Variants in GRM7 observed in about 807,000 individuals in gnomAD.
The protein encoded by GRM7 is metabotropic glutamate receptor 7.
A neutral mutation model predicts 84.5 loss-of-function variants in GRM7; 35 were observed. The ratio of observed to expected loss-of-function variants is 0.41; its 90% confidence interval spans 0.32 to 0.55. GRM7 has a LOEUF of 0.55. GRM7 is among the 20% of genes least tolerant of loss of function. GRM7 has a pLI of 0.19. For synonymous variants in GRM7, 487 were observed against 455.1 expected, an observed-to-expected ratio of 1.07 and a Z score of -0.89; for missense variants, 1,003 against 1,194.6, an observed-to-expected ratio of 0.84 and a Z score of 2.36.
chr3:7,401,182 C>T (rs1434757470), intron 4 of GRM7, among the ~76,000 whole-genome samples: 4 of 152,078 alleles, frequency 2.6e-5, no homozygotes, highest in Non-Finnish European at 4.4e-5. Context: ...ATGTATATGA[C>T]GAAGAAGCAA....
chr3:6,993,203 C>T (rs150934321), intron 1 of GRM7, among the ~76,000 whole-genome samples: 74 of 152,248 alleles, frequency 4.9e-4, no homozygotes, highest in Middle Eastern at 6.8e-3. Flanking sequence ...TCATGAGAAT[C>T]CCATGGGGGA....
intron 1 of GRM7, among the ~76,000 whole-genome samples, chr3:7,128,077 A>G (rs1487132877): frequency 6.6e-6 from 1 of 151,338 alleles, no homozygotes; most frequent in Non-Finnish European, 1.5e-5. Flanking sequence ...ATATATATGT[A>G]TTATAGATTA....
At chr3:6,944,683 T>C (rs1399722444) in intron 1 of GRM7, among the ~76,000 whole-genome samples, 3 of 152,192 alleles carry the variant, frequency 2.0e-5, no homozygotes, top group Non-Finnish European at 4.4e-5. Context: ...TGGATAAATT[T>C]AGCCATGTGG....
intron 1 of GRM7, among the ~76,000 whole-genome samples, chr3:7,117,297 T>G (rs1661845383): frequency 6.6e-6 from 1 of 152,208 alleles, no homozygotes; most frequent in Non-Finnish European, 1.5e-5. Flanking sequence ...ATCTTTTTCC[T>G]TTCCCTTTCT....
At chr3:7,332,078 G>A (rs541963961) in intron 4 of GRM7, among the ~76,000 whole-genome samples, 5 of 152,136 alleles carry the variant, frequency 3.3e-5, no homozygotes, top group Non-Finnish European at 7.4e-5. Flanking sequence ...TTCGTCTAGA[G>A]TAGACTTGAC....
chr3:7,247,209 A>C lies in GRM7; in HGVS notation c.737-51475A>C, dbSNP rs1363561526. ...CCTATGAAGTTTTAGGAAAAAATAC[A>C]TGAGAATATATTCATGACTTTGGGT... On this transcript the variant is annotated intron_variant, in intron 2 of 9. Coordinates refer to ENST00000357716, the MANE Select transcript of GRM7 (RefSeq NM_000844.4). Among the ~76,000 whole-genome samples, 5 of 152,292 alleles carry C rather than the reference A, an allele frequency of 3.3e-5. No individual in the cohort carries two copies. In the East Asian group the frequency reaches 9.6e-4, roughly 29 times the overall value.
chr3:7,186,873 G>A (rs138679588), intron 2 of GRM7, among the ~76,000 whole-genome samples: 5 of 152,084 alleles, frequency 3.3e-5, no homozygotes, highest in African/African-American at 1.2e-4. Context: ...TTTTATTTTT[G>A]TCTATTAACT....
chr3:6,931,034 C>T (rs1697481641), intron 1 of GRM7, among the ~76,000 whole-genome samples: 1 of 152,170 alleles, frequency 6.6e-6, no homozygotes, highest in Admixed American at 6.5e-5. Context: ...AATTCTAGCA[C>T]CTAAAGGAGC....
chr3:7,672,766 G>A (rs1018016424), intron 8 of GRM7, among the ~76,000 whole-genome samples: 5 of 152,060 alleles, frequency 3.3e-5, no homozygotes, highest in East Asian at 1.9e-4. Context: ...TATGGCGCCC[G>A]GCTAATTTTT....
intron 7 of GRM7, among the ~76,000 whole-genome samples, chr3:7,488,415 G>A (rs193292924): frequency 1.3e-5 from 2 of 152,258 alleles, no homozygotes; most frequent in Admixed American, 1.3e-4. Context: ...AGTGTTGGGA[G>A]GTGGTGCTTT....
chr3:6,887,789 C>A (rs901417742), intron 1 of GRM7, among the ~76,000 whole-genome samples: 1 of 152,128 alleles, frequency 6.6e-6, no homozygotes, highest in Non-Finnish European at 1.5e-5. Context: ...AGTTCTAGAT[C>A]CTTGAGGAAT....
At chr3:7,682,625 A>G (rs1700423676) in intron 9 of GRM7, among the ~76,000 whole-genome samples, 1 of 152,122 alleles carries the variant, frequency 6.6e-6, no homozygotes, top group Admixed American at 6.5e-5. Context: ...TTGGAGGGCT[A>G]TATTTACTGG....
At chr3:7,149,623 T>C (rs1294243945) in intron 2 of GRM7, among the ~76,000 whole-genome samples, 1 of 152,074 alleles carries the variant, frequency 6.6e-6, no homozygotes. Context: ...CAAAAATAAA[T>C]AAGCACACTG....
At chr3:7,095,599 A>G (rs1698827693) in intron 1 of GRM7, among the ~76,000 whole-genome samples, 1 of 152,206 alleles carries the variant, frequency 6.6e-6, no homozygotes. Context: ...TTTCTATTAT[A>G]TCAGGGATAG....
intron 2 of GRM7, among the ~76,000 whole-genome samples, chr3:7,276,789 T>TCCCTCCCTC (rs1553641233): frequency 0.022 from 78 of 3,528 alleles, 27 homozygotes; most frequent in East Asian, 0.05. Context: ...CTTCCTTCCT[T>TCCCTCCCTC]CCTTCCTTCC....
chr3:7,148,604 C>G (rs1471263927), intron 2 of GRM7, among the ~76,000 whole-genome samples: 1 of 152,138 alleles, frequency 6.6e-6, no homozygotes, highest in Admixed American at 6.5e-5. Flanking sequence ...TCAATGGTGA[C>G]TTTCACATGG....
chr3:7,329,135 A>G lies in GRM7; in HGVS notation c.1033+22483A>G, dbSNP rs530585380. On this transcript the variant is annotated intron_variant, in intron 4 of 9. Transcript: ENST00000357716. Reference sequence around the variant, plus strand: ...TAACCTGCCTTCTGCCATGAAAGACATCATCAAAGTATTTGAACCAAGGCC... The same window carrying G: ...TAACCTGCCTTCTGCCATGAAAGACGTCATCAAAGTATTTGAACCAAGGCC... Among the ~76,000 whole-genome samples, 8 of 152,172 alleles carry G rather than the reference A, an allele frequency of 5.3e-5. No homozygotes were observed. The South Asian group carries it at 1.5e-3, about 28-fold the overall frequency.
chr3:7,103,787 TTTCTTTC>T (rs1167200599), intron 1 of GRM7, among the ~76,000 whole-genome samples: 10 of 113,020 alleles, frequency 8.8e-5, no homozygotes, highest in Non-Finnish European at 1.2e-4. Context: ...TCTTTCTTTC[TTTCTTTC>T]TTTCTTTCTT....
At chr3:7,155,888 A>C (rs551649483) in intron 2 of GRM7, among the ~76,000 whole-genome samples, 1 of 152,178 alleles carries the variant, frequency 6.6e-6, no homozygotes, top group Admixed American at 6.5e-5. Flanking sequence ...AAGTTTGTCT[A>C]TTTCCAATTA....
Sources: allele counts gnomAD v4.1 joint callset (sites outside exome capture counted in the v4.1 genomes callset), GRCh38; gene constraint gnomAD v4.1.1; transcripts MANE v1.5; gene names NCBI Gene and HGNC (gene_info 2026-07-23, HGNC 2026-07-21).